Variants in STK32C observed in about 807,000 individuals in gnomAD.
STK32C encodes serine/threonine kinase 32C.
In STK32C, 31 loss-of-function variants were observed where a neutral mutation model predicts 56.5. The ratio of observed to expected loss-of-function variants is 0.55; its 90% CI spans 0.41 to 0.74. STK32C has a LOEUF of 0.74. Among genes scored for constraint, STK32C ranks in the 30% least tolerant of loss-of-function variants. The pLI is 0.00. For synonymous variants in STK32C, 309 were observed against 289.4 expected, an observed-to-expected ratio of 1.07 and a Z score of -0.69; for missense variants, 544 against 676.9, an observed-to-expected ratio of 0.80 and a Z score of 2.18.
chr10:132,216,482 AGAG>A lies in STK32C; in HGVS notation c.1251+6156_1251+6158del, dbSNP rs1261116792. 4.8e-5 allele frequency among the ~76,000 whole-genome samples: 7 copies of A among 146,744 alleles called. No homozygotes were observed. In the East Asian group the frequency reaches 1.2e-3, roughly 25 times the overall value. ...AAGACTGTCTCAAAAAAAAAAAAAA[AGAG>A]AGAAAAAAAAGAAAACCCCATTTTC... is the stretch of plus-strand genomic sequence containing the variant. On this transcript the variant is annotated intron_variant, in intron 10 of 11. Transcript: ENST00000298630.
rs189370518 is a variant in STK32C, at chr10:132,314,548, T to C, written c.301+16888A>G. ...TGGACTACGCACTTCAATTAGAAGA[T>C]AGAGACCATCAGACTGGATACAAAT... On this transcript the variant is annotated intron_variant, in intron 1 of 3. Transcript: ENST00000368620. Among the ~76,000 whole-genome samples, 12 of 152,332 alleles carry C rather than the reference T, an allele frequency of 7.9e-5. No homozygotes were observed. In the East Asian group the frequency reaches 2.3e-3, roughly 29 times the overall value.
chr10:132,296,301 G>A (rs970715445), intron 1 of STK32C, among the ~76,000 whole-genome samples: 3 of 151,962 alleles, frequency 2.0e-5, no homozygotes, highest in African/African-American at 7.3e-5. Context: ...TGTAACACGG[G>A]ATCTTGGGAC....
intron 1 of STK32C, among the ~76,000 whole-genome samples, chr10:132,296,452 T>A (rs2065749903): frequency 6.6e-6 from 1 of 152,084 alleles, no homozygotes; most frequent in Non-Finnish European, 1.5e-5. Flanking sequence ...GGAAACTGCT[T>A]CTGGGGAACA....
At chr10:132,284,654 A>G (rs1457508554) in intron 1 of STK32C, among the ~76,000 whole-genome samples, 1 of 151,850 alleles carries the variant, frequency 6.6e-6, no homozygotes, top group Non-Finnish European at 1.5e-5. Context: ...ACATCTGCCC[A>G]AAGACCAGGC....
At chr10:132,290,744 C>T (rs911093518) in intron 1 of STK32C, among the ~76,000 whole-genome samples, 4 of 152,222 alleles carry the variant, frequency 2.6e-5, no homozygotes, top group Non-Finnish European at 4.4e-5. Context: ...GGCTCTACTG[C>T]TGTTCACAGG....
intron 1 of STK32C, among the ~76,000 whole-genome samples, chr10:132,252,196 G>A (rs2063934885): frequency 1.3e-5 from 2 of 152,250 alleles, no homozygotes; most frequent in African/African-American, 4.8e-5. Flanking sequence ...CGCTGGCCAG[G>A]CCCATTCCAG....
intron 8 of STK32C, among the ~76,000 whole-genome samples, 155 bp from the exon 9 acceptor site, chr10:132,223,141 G>A (rs1485190508): frequency 5.3e-5 from 8 of 152,234 alleles, no homozygotes; most frequent in Admixed American, 2.6e-4. Context: ...GGGTGGTGCC[G>A]ACGGCCGACA....
chr10:132,257,510 C>T, intron 1 of STK32C, among the ~76,000 whole-genome samples: 1 of 81,214 alleles, frequency 1.2e-5, no homozygotes, highest in East Asian at 2.3e-4. Context: ...ATCACACCCC[C>T]CAGCCAAAGA....
intron 1 of STK32C, among the ~76,000 whole-genome samples, chr10:132,291,203 G>A (rs573289126): frequency 6.6e-6 from 1 of 152,322 alleles, no homozygotes; most frequent in African/African-American, 2.4e-5. Flanking sequence ...GCGCTCTCTG[G>A]AGCATTGCCG....
intron 1 of STK32C, among the ~76,000 whole-genome samples, chr10:132,265,123 T>A (rs113498432): frequency 0.045 from 2,807 of 62,790 alleles, 56 homozygotes; most frequent in Non-Finnish European, 0.056. Flanking sequence ...GCTCTGGGGG[T>A]GCCGCAAGGG....
chr10:132,227,593 ATGG>A (rs200616081), intron 3 of STK32C, among the ~76,000 whole-genome samples: 1 of 149,450 alleles, frequency 6.7e-6, no homozygotes, highest in Non-Finnish European at 1.5e-5. Flanking sequence ...TGCAGTGGTG[ATGG>A]TGGTGGTGAT....
intron 1 of STK32C, among the ~76,000 whole-genome samples, chr10:132,258,911 C>G (rs2064214874): frequency 6.6e-6 from 1 of 152,264 alleles, no homozygotes; most frequent in Admixed American, 6.5e-5. Context: ...TTGAGGATGA[C>G]CAGTTCATCA....
chr10:132,221,427 T>C (rs2062640012), intron 10 of STK32C, among the ~76,000 whole-genome samples: 1 of 138,386 alleles, frequency 7.2e-6, no homozygotes, highest in Non-Finnish European at 1.5e-5. Context: ...GTCTGAGGGC[T>C]TCACGTGGCC....
chr10:132,208,876 G>A (rs534748022), intron 11 of STK32C, among the ~76,000 whole-genome samples, 158 bp downstream of exon 11: 203 of 152,224 alleles, frequency 1.3e-3, no homozygotes, highest in Non-Finnish European at 2.1e-3. Flanking sequence ...GGGGCCTCCC[G>A]CCGCTCCCCT....
intron 1 of STK32C, among the ~76,000 whole-genome samples, chr10:132,297,164 G>C (rs1443155223): frequency 2.0e-5 from 3 of 152,186 alleles, no homozygotes; most frequent in Non-Finnish European, 4.4e-5. Flanking sequence ...TGTGGCTCTG[G>C]GGAAGGGGCA....
At chr10:132,326,902 A>G (rs1017276835) in intron 1 of STK32C, among the ~76,000 whole-genome samples, 5 of 152,230 alleles carry the variant, frequency 3.3e-5, no homozygotes, top group Admixed American at 3.3e-4. Context: ...TTGGTTTACA[A>G]TGTAGAAGAA....
At chr10:132,269,921 G>A (rs2064761697) in intron 1 of STK32C, among the ~76,000 whole-genome samples, 1 of 152,366 alleles carries the variant, frequency 6.6e-6, no homozygotes, top group Non-Finnish European at 1.5e-5. Context: ...AGCCACGTGG[G>A]CCCCGGATGC....
At position 132,324,258 on chromosome 10, in the gene STK32C, A is replaced by G. The variant is rs774291186; in HGVS notation, c.417T>C (p.Cys139=). ...ATTACACACCCCCTCTTGATGGGCCACAGAACACACCCCCAGCTTTTTCAT... is the reference window on the plus strand; with the variant it reads ...ATTACACACCCCCTCTTGATGGGCCGCAGAACACACCCCCAGCTTTTTCAT... The change falls in exon 2 of 2, where the codon TGT becomes TGC. Residue 139 remains cysteine (C), a synonymous_variant. Transcript: ENST00000368619. 6 of 779,788 alleles carry G rather than the reference A, an allele frequency of 7.7e-6. 1 individual carries two copies. The highest frequency in any genetic ancestry group is 5.4e-5 in the South Asian group (4 of 74,618). 48.3% of individuals were successfully genotyped at this position (779,788 alleles called of 1,614,324 possible). A position where few individuals can be genotyped will look rare whatever the true frequency, so the allele number is the denominator to read the frequency against.
rs538447059 is a variant in STK32C, at chr10:132,295,019, G to A, written c.262+12553C>T. Among the ~76,000 whole-genome samples the A allele has an allele frequency of 2.6e-5, 4 of 152,252 alleles. No individual in the cohort carries two copies. The South Asian group carries it at 8.3e-4, about 32-fold the overall frequency. On this transcript the variant is annotated intron_variant, in intron 1 of 11. Coordinates refer to ENST00000298630, the MANE Select transcript of STK32C (RefSeq NM_173575.4). ...CAGCGGCCTCTGCCCCTCTCGGTGTGGACTGTGCCACTTCAGTAAACCCAG... is the reference window on the plus strand; with the variant it reads ...CAGCGGCCTCTGCCCCTCTCGGTGTAGACTGTGCCACTTCAGTAAACCCAG...
Sources: gnomAD v4.1 joint callset for allele counts (sites outside exome capture counted in the v4.1 genomes callset) on GRCh38, gnomAD v4.1.1 for gene constraint, MANE v1.5 for transcripts, NCBI Gene and HGNC (gene_info 2026-07-23, HGNC 2026-07-21) for gene names.